Variants in FLNB observed in about 807,000 individuals in gnomAD.
FLNB encodes the protein filamin-B.
Under a neutral mutation model 250.6 loss-of-function variants are expected in FLNB, and 111 were observed. The ratio of observed to expected loss-of-function variants is 0.44; its 90% CI spans 0.38 to 0.52. The LOEUF (loss-of-function observed/expected upper bound fraction) is 0.52. Among genes scored for constraint, FLNB ranks in the 20% least tolerant of loss-of-function variants. The pLI, the probability that FLNB is intolerant of heterozygous loss-of-function variation, is 0.00. For missense variants in FLNB, 2,869 were observed against 3,447.8 expected (o/e 0.83, Z 4.20); for synonymous variants, 1,302 against 1,372.1 (o/e 0.95, Z 1.13).
chr3:58,149,692 C>T, intron 36 of FLNB, 158 bp from the exon 37 acceptor site: 1 of 842,402 alleles, frequency 1.2e-6, no homozygotes, highest in African/African-American at 1.7e-5. Flanking sequence ...TTAACCTACT[C>T]ATCCCCCTCT....
intron 1 of FLNB, among the ~76,000 whole-genome samples, chr3:58,043,881 C>T (rs2097149757): frequency 6.6e-6 from 1 of 152,168 alleles, no homozygotes; most frequent in Non-Finnish European, 1.5e-5. Context: ...TATAATGAAC[C>T]ACGGGTTCAC....
At chr3:58,083,845 A>C (rs2097212913) in intron 4 of FLNB, among the ~76,000 whole-genome samples, 1 of 152,110 alleles carries the variant, frequency 6.6e-6, no homozygotes, top group Non-Finnish European at 1.5e-5. Context: ...GGGACTTCAA[A>C]GCCCTCCTCC....
intron 22 of FLNB, 60 bp downstream of exon 22, chr3:58,124,565 C>T (rs1221743703): frequency 1.8e-5 from 28 of 1,569,190 alleles, no homozygotes; most frequent in Non-Finnish European, 2.4e-5. Flanking sequence ...TCATTGCCTC[C>T]TGGTGGCTGG....
chr3:58,051,834 C>T (rs897158020), intron 1 of FLNB, among the ~76,000 whole-genome samples: 1 of 152,082 alleles, frequency 6.6e-6, no homozygotes, highest in Admixed American at 6.6e-5. Context: ...ACAGAGCAAC[C>T]CTGACCTGTT....
intron 1 of FLNB, among the ~76,000 whole-genome samples, chr3:58,043,370 G>A (rs1176943507): frequency 6.6e-6 from 1 of 151,924 alleles, no homozygotes; most frequent in East Asian, 1.9e-4. Context: ...ATTCTTTTGA[G>A]TACAAGTGAG....
chr3:58,049,356 G>A (rs904005333), intron 1 of FLNB, among the ~76,000 whole-genome samples: 3 of 152,156 alleles, frequency 2.0e-5, no homozygotes, highest in Admixed American at 6.5e-5. Flanking sequence ...CCGTGCTGTG[G>A]CCTTGGGCAC....
intron 38 of FLNB, among the ~76,000 whole-genome samples, chr3:58,151,898 C>G (rs1292576729): frequency 6.6e-6 from 1 of 152,238 alleles, no homozygotes; most frequent in African/African-American, 2.4e-5. Flanking sequence ...CCATACTCCC[C>G]CACCAGCACT....
chr3:58,136,053 C>T lies in FLNB; in HGVS notation c.4746C>T (p.Pro1582=), dbSNP rs767873412. The T allele has an allele frequency of 1.6e-5, 26 of 1,614,196 alleles. No individual in the cohort carries two copies. The highest frequency in any genetic ancestry group is 5.5e-5 in the South Asian group (5 of 91,084). Residue 1582 remains proline, a synonymous_variant, in exon 28 of 46, where the codon CCC becomes CCT. Transcript: ENST00000295956. The part of the protein sequence containing the change: ...KDGTYAVTYI[P]DKTGRYMIGV... ...GCACGTATGCTGTCACCTACATCCC[C>T]GACAAGACTGGGCGCTATATGATTG...
At chr3:58,147,103 G>A (rs1421670250) in intron 34 of FLNB, 110 bp downstream of exon 34, 3 of 1,120,282 alleles carry the variant, frequency 2.7e-6, no homozygotes, top group Non-Finnish European at 2.6e-6. Flanking sequence ...TTTGAGTTTA[G>A]GTTTCACAGA....
At position 58,150,234 on chromosome 3, in the gene FLNB, G is replaced by A. The variant is rs201871482; in HGVS notation, c.6367+7G>A. The A allele has an allele frequency of 1.8e-5, 29 of 1,614,048 alleles. No individual in the cohort carries two copies. In the African/African-American group the frequency reaches 2.7e-4, roughly 15 times the overall value. On this transcript the variant is annotated splice_region_variant and intron_variant, in intron 38 of 45. Coordinates refer to ENST00000295956, the MANE Select transcript of FLNB (RefSeq NM_001457.4). Reference sequence around the variant, plus strand: ...CTGAACCTGAAAATCCCAGGTGGGCGTCGGGGACTAGTAGGGTGGGGAAGC... The same window carrying A: ...CTGAACCTGAAAATCCCAGGTGGGCATCGGGGACTAGTAGGGTGGGGAAGC...
At chr3:58,049,878 G>A (rs1289514378) in intron 1 of FLNB, among the ~76,000 whole-genome samples, 1 of 152,140 alleles carries the variant, frequency 6.6e-6, no homozygotes, top group Non-Finnish European at 1.5e-5. Context: ...CGTGTAATCT[G>A]TGGGCATCTA....
Position 58,123,142 on chromosome 3 carries a change from C to T in FLNB, c.3176C>T (p.Ala1059Val), listed in dbSNP as rs570950728. Residue 1059 changes from alanine to valine, a missense_variant, in exon 21 of 46, where the codon GCC becomes GTC. Physicochemically the swap from Ala to Val is moderately conservative, Grantham distance 64. Coordinates refer to ENST00000295956, the MANE Select transcript of FLNB (RefSeq NM_001457.4). ...GAAGGTGGTCTCGTGGGCAAGCCTG[C>T]CGAGTTCACCATCGATACCAAAGGA... ...GLEGGLVGKP[A>V]EFTIDTKGAG... 7.2e-5 allele frequency: 117 copies of T among 1,614,158 alleles called. No individual in the cohort carries two copies. The South Asian group carries it at 1.0e-3, about 14-fold the overall frequency.
rs755711863 is a variant in FLNB at position 58,106,639 on chromosome 3, C to T, written c.1748-41C>T. 3.8e-6 allele frequency: 6 copies of T among 1,585,976 alleles called. No individual in the cohort carries two copies. In the East Asian group the frequency reaches 1.1e-4, roughly 30 times the overall value. ...GTCGTAACATAGAATAGGTGCTTTC[C>T]ACCATATAACCAGGGAGACCCTTCC... On this transcript the variant is annotated intron_variant, in intron 11 of 45. Coordinates refer to ENST00000295956, the MANE Select transcript of FLNB (RefSeq NM_001457.4).
intron 4 of FLNB, among the ~76,000 whole-genome samples, chr3:58,094,200 C>G (rs2097233659): frequency 1.3e-5 from 2 of 152,352 alleles, no homozygotes; most frequent in South Asian, 4.1e-4. Flanking sequence ...CTGCCTCAGC[C>G]TCCCAAGTAG....
intron 1 of FLNB, among the ~76,000 whole-genome samples, chr3:58,038,026 T>A (rs1321430369): frequency 6.6e-6 from 1 of 152,080 alleles, no homozygotes; most frequent in East Asian, 1.9e-4. Context: ...TGTTTGTTTG[T>A]TTGTTTGTTT....
At position 58,124,387 on chromosome 3, in the gene FLNB, G is replaced by A; in HGVS notation, c.3780G>A (p.Gln1260=). ...DFTVDSRPLT[Q]VGGDHIKAHI... is the part of the protein sequence containing the mutation. Reference sequence around the variant, plus strand: ...CAGTTGACTCTCGGCCGCTGACCCAGGTTGGGGGTGACCACATCAAGGCCC... The same window carrying A: ...CAGTTGACTCTCGGCCGCTGACCCAAGTTGGGGGTGACCACATCAAGGCCC... The change falls in exon 22 of 46, where the codon CAG becomes CAA. Residue 1260 remains glutamine (Q), a synonymous_variant. Coordinates refer to ENST00000295956, the MANE Select transcript of FLNB (RefSeq NM_001457.4). The A allele has an allele frequency of 6.2e-7, 1 of 1,614,230 alleles. No homozygotes were observed. The highest frequency in any genetic ancestry group is 8.5e-7 in the Non-Finnish European group (1 of 1,180,040).
chr3:58,029,778 G>T (rs1454322859), intron 1 of FLNB, among the ~76,000 whole-genome samples: 2 of 152,090 alleles, frequency 1.3e-5, no homozygotes, highest in African/African-American at 2.4e-5. Context: ...CTCCCAAAGT[G>T]CTGGGATTAT....
chr3:58,146,601 C>A (rs2097336163), intron 33 of FLNB: 1 of 563,542 alleles, frequency 1.8e-6, no homozygotes, highest in Non-Finnish European at 3.2e-6. Context: ...GGGTTACTTG[C>A]AGTGAAGAAC....
Position 58,148,294 on chromosome 3 carries a change from G to A in FLNB, c.5817G>A (p.Thr1939=), listed in dbSNP as rs755062959. 3.7e-6 allele frequency: 6 copies of A among 1,614,118 alleles called. No homozygotes were observed. The highest frequency in any genetic ancestry group is 2.7e-5 in the African/African-American group (2 of 75,032). Residue 1939 remains threonine, a synonymous_variant, in exon 35 of 46, where the codon ACG becomes ACA. Coordinates refer to ENST00000295956, the MANE Select transcript of FLNB (RefSeq NM_001457.4). ...DISETDLSSL[T]ASIKAPSGRD... ...GTGAGACTGACCTCAGCAGCCTGAC[G>A]GCCAGCATTAAGGCCCCATCTGGCC... is the stretch of plus-strand genomic sequence containing the variant.
Sources: allele counts gnomAD v4.1 joint callset (sites outside exome capture counted in the v4.1 genomes callset), GRCh38; gene constraint gnomAD v4.1.1; transcripts MANE v1.5; gene names NCBI Gene and HGNC (gene_info 2026-07-23, HGNC 2026-07-21).